Variants in ARHGAP44 observed in about 807,000 individuals in gnomAD.
ARHGAP44 encodes the protein Rho GTPase activating protein 44.
A neutral mutation model predicts 106.8 loss-of-function variants in ARHGAP44; 43 were observed. The ratio of observed to expected loss-of-function variants is 0.40; its 90% CI spans 0.32 to 0.52. ARHGAP44 has a LOEUF of 0.52. ARHGAP44 is among the 20% of genes least tolerant of loss of function. The pLI, the probability that ARHGAP44 is intolerant of heterozygous loss-of-function variation, is 0.48. For missense variants in ARHGAP44, 866 were observed against 1,050.5 expected, an observed-to-expected ratio of 0.82 and a Z score of 2.43; for synonymous variants, 439 against 410.3, an observed-to-expected ratio of 1.07 and a Z score of -0.85.
intron 1 of ARHGAP44, among the ~76,000 whole-genome samples, chr17:12,839,602 T>C (rs1374508008): frequency 6.6e-6 from 1 of 152,182 alleles, no homozygotes; most frequent in Non-Finnish European, 1.5e-5. Flanking sequence ...TATATTCTGC[T>C]TCAGAGTTTT....
intron 16 of ARHGAP44, among the ~76,000 whole-genome samples, chr17:12,962,800 C>T (rs1194337552): frequency 6.6e-6 from 1 of 152,202 alleles, no homozygotes; most frequent in South Asian, 2.1e-4. Flanking sequence ...AAGCCCAGCA[C>T]TTTGGGTGGC....
At chr17:12,956,090 C>A in intron 14 of ARHGAP44, 110 bp downstream of exon 14, 1 of 726,154 alleles carries the variant, frequency 1.4e-6, no homozygotes, top group South Asian at 1.9e-5. Flanking sequence ...ATGTATTTTC[C>A]AAACCCTATT....
At chr17:12,928,748 A>G (rs1210836260) in intron 6 of ARHGAP44, among the ~76,000 whole-genome samples, 181 bp from the exon 7 acceptor site, 2 of 152,210 alleles carry the variant, frequency 1.3e-5, no homozygotes, top group African/African-American at 4.8e-5. Context: ...CAGTTGACGC[A>G]TGGAAATATG....
chr17:12,828,636 C>CTTTTTT lies in ARHGAP44; in HGVS notation c.53+38762_53+38767dup, dbSNP rs34860101. Among the ~76,000 whole-genome samples, 83 of 93,182 alleles carry CTTTTTT rather than the reference C, an allele frequency of 8.9e-4. 1 individual carries two copies. The highest frequency in any genetic ancestry group is 2.4e-3 in the African/African-American group (52 of 22,102). The allele number at this position is 93,182 out of a possible 152,430, so 61.1% of individuals were successfully genotyped here. A position where few individuals can be genotyped will look rare whatever the true frequency, so the allele number is the denominator to read the frequency against. On this transcript the variant is annotated intron_variant, in intron 1 of 20. Coordinates refer to ENST00000379672, the MANE Select transcript of ARHGAP44 (RefSeq NM_014859.6). ...TTTTCTTTTGGATTTTTTTTTCTTT[C>CTTTTTT]TTTTTTTTTTTTTTTTTTTTTTAAA...
At position 12,934,886 on chromosome 17, in the gene ARHGAP44, G is replaced by T. The variant is rs1325126198; in HGVS notation, c.582+5840G>T. Among the ~76,000 whole-genome samples the T allele has an allele frequency of 6.6e-5, 10 of 152,298 alleles. No homozygotes were observed. In the East Asian group the frequency reaches 1.7e-3, roughly 26 times the overall value. On this transcript the variant is annotated intron_variant, in intron 7 of 20. Transcript: ENST00000379672. ...TGTCAGGCAGGAGTACCACAAGGAG[G>T]CTGGACACAGCCAGATCATTTACCT...
At chr17:12,852,548 GT>G (rs111855586) in intron 1 of ARHGAP44, among the ~76,000 whole-genome samples, 104 of 138,986 alleles carry the variant, frequency 7.5e-4, no homozygotes, top group Admixed American at 9.3e-4. Context: ...TGTTTGCTGT[GT>G]TTTTTTTTTT....
chr17:12,969,842 G>A (rs77210143), intron 16 of ARHGAP44, among the ~76,000 whole-genome samples: 15,758 of 152,100 alleles, frequency 0.1, 928 homozygotes, highest in South Asian at 0.2. Context: ...TGGAAATGCC[G>A]GAAACAGGAA....
At position 12,860,380 on chromosome 17, in the gene ARHGAP44, T is replaced by A. The variant is rs1373149423; in HGVS notation, c.54-34560T>A. Among the ~76,000 whole-genome samples, 11 of 152,350 alleles carry A rather than the reference T, an allele frequency of 7.2e-5. No individual in the cohort carries two copies. In the East Asian group the frequency reaches 1.7e-3, roughly 24 times the overall value. On this transcript the variant is annotated intron_variant, in intron 1 of 20. Transcript: ENST00000379672. The stretch of plus-strand genomic sequence containing the variant: ...AGATAACTGTCTGGAAAGTGCAGGC[T>A]TGTTATATAGCACCCTCTATCCATG...
chr17:12,941,505 G>C (rs367713512), intron 8 of ARHGAP44, among the ~76,000 whole-genome samples: 6 of 152,222 alleles, frequency 3.9e-5, no homozygotes, highest in African/African-American at 1.4e-4. Flanking sequence ...GCACAAGACA[G>C]CCCCCACACC....
At chr17:12,881,137 T>TC (rs1273486086) in intron 1 of ARHGAP44, among the ~76,000 whole-genome samples, 2 of 151,998 alleles carry the variant, frequency 1.3e-5, no homozygotes, top group Non-Finnish European at 2.9e-5. Context: ...TGTCTTTCTT[T>TC]TTATTGTTTT....
At chr17:12,952,663 T>C in intron 13 of ARHGAP44, 82 bp downstream of exon 13, 1 of 968,292 alleles carries the variant, frequency 1.0e-6, no homozygotes, top group Non-Finnish European at 1.6e-6. Context: ...GTAAAAGTCA[T>C]GGTAACTACC....
chr17:12,972,984 A>T (rs1035503630), intron 16 of ARHGAP44: 35 of 292,848 alleles, frequency 1.2e-4, no homozygotes, highest in East Asian at 1.2e-3. Context: ...ATGTTTTTTT[A>T]AAAAAAGAAG....
At chr17:12,960,296 G>A (rs2039229950) in intron 16 of ARHGAP44, among the ~76,000 whole-genome samples, 1 of 152,084 alleles carries the variant, frequency 6.6e-6, no homozygotes, top group African/African-American at 2.4e-5. Context: ...TCAGCTGGGC[G>A]CGGTGGCTCA....
chr17:12,919,808 G>C lies in ARHGAP44; in HGVS notation c.441G>C (p.Leu147=), dbSNP rs2038022110. The C allele has an allele frequency of 6.2e-7, 1 of 1,613,084 alleles. No homozygotes were observed. Among genetic ancestry groups the C allele is most frequent in the Non-Finnish European group, 8.5e-7 (1 of 1,179,584 alleles). The change falls in exon 6 of 21, where the codon CTG becomes CTC. Residue 147 remains leucine (L), a synonymous_variant. Transcript: ENST00000379672. ...GGAAACACTTAGCCAAGTTGGTGCTGGACATGGATTCCTCACGAACCAGGT... is the reference window on the plus strand; with the variant it reads ...GGAAACACTTAGCCAAGTTGGTGCTCGACATGGATTCCTCACGAACCAGGT... ...KQRKHLAKLV[L]DMDSSRTRWQ...
chr17:12,875,416 A>G (rs1309501146), intron 1 of ARHGAP44, among the ~76,000 whole-genome samples: 1 of 151,874 alleles, frequency 6.6e-6, no homozygotes, highest in African/African-American at 2.4e-5. Flanking sequence ...CAACATAGCA[A>G]GGCCTTGTCT....
intron 3 of ARHGAP44, among the ~76,000 whole-genome samples, chr17:12,903,036 T>G (rs2037420027): frequency 6.9e-6 from 1 of 144,330 alleles, no homozygotes. Context: ...TGCCTGGGGC[T>G]GGAATTAGAG....
chr17:12,802,991 G>T (rs1402075945), intron 1 of ARHGAP44, among the ~76,000 whole-genome samples: 48 of 35,670 alleles, frequency 1.3e-3, no homozygotes, highest in South Asian at 1.8e-3. Context: ...TTTTTTTTTT[G>T]AGGCAGAGTC....
At chr17:12,893,020 A>T (rs894153134) in intron 1 of ARHGAP44, among the ~76,000 whole-genome samples, 1 of 151,864 alleles carries the variant, frequency 6.6e-6, no homozygotes, top group Non-Finnish European at 1.5e-5. Context: ...TGAGTAACTG[A>T]AATCTGGATA....
intron 1 of ARHGAP44, among the ~76,000 whole-genome samples, chr17:12,802,969 ATTTTT>A (rs1162376884): frequency 4.9e-4 from 20 of 40,836 alleles, no homozygotes; most frequent in African/African-American, 1.5e-3. Flanking sequence ...ATATATATAT[ATTTTT>A]TTTTTTTTTT....
Sources: allele counts gnomAD v4.1 joint callset (sites outside exome capture counted in the v4.1 genomes callset), GRCh38; gene constraint gnomAD v4.1.1; transcripts MANE v1.5; gene names NCBI Gene and HGNC (gene_info 2026-07-23, HGNC 2026-07-21).